COL9A1: variants seen among roughly 807,000 people sequenced by gnomAD.
The protein encoded by COL9A1 is collagen alpha-1(IX) chain.
In COL9A1, 104 loss-of-function variants were observed where a neutral mutation model predicts 142.6. The observed-to-expected ratio is 0.73, with a 90% CI of 0.62 to 0.86. The LOEUF (loss-of-function observed/expected upper bound fraction) is 0.86, where lower values mean the gene tolerates loss of function less well. Ranked by LOEUF, COL9A1 falls within the 40% of genes least tolerant of loss-of-function variation. The pLI is 0.00. For missense variants in COL9A1, 1,210 were observed against 1,176.6 expected, an observed-to-expected ratio of 1.03 and a Z score of -0.42; for synonymous variants, 466 against 396.0, an observed-to-expected ratio of 1.18 and a Z score of -2.10.
downstream of COL9A1, chr6:70,216,106 A>G (rs1438600578): frequency 2.6e-5 from 4 of 152,788 alleles, no homozygotes; most frequent in East Asian, 7.7e-4. Context: ...ATGATTATTT[A>G]TAAGAAAACA....
chr6:70,280,737 C>G (rs1296809869), intron 10 of COL9A1, 75 bp downstream of exon 10: 1 of 1,503,648 alleles, frequency 6.7e-7, no homozygotes, highest in East Asian at 2.4e-5. Flanking sequence ...CTCCCTCCCC[C>G]CCCACAAAAC....
chr6:70,276,794 T>C (rs190866118), intron 10 of COL9A1, among the ~76,000 whole-genome samples: 1 of 152,256 alleles, frequency 6.6e-6, no homozygotes, highest in African/African-American at 2.4e-5. Flanking sequence ...CTCCACAACA[T>C]CTTTATATTC....
intron 37 of COL9A1, among the ~76,000 whole-genome samples, chr6:70,220,567 A>C (rs190019541): frequency 6.9e-6 from 1 of 145,292 alleles, no homozygotes; most frequent in South Asian, 2.1e-4. Flanking sequence ...AATACCAGAG[A>C]AAAAAAAACA....
In COL9A1 at chr6:70,294,483, T is replaced by C. The variant is rs763327020; in HGVS notation, c.380A>G (p.Asn127Ser). Reference protein sequence around the residue: ...FRMTGSTLKKNWNIWQIQDSS... With the variant: ...FRMTGSTLKKSWNIWQIQDSS... ...ATCCTGAATCTGCCAAATGTTCCAGTTCTTTTTGAGAGTGCTTCCAGTCAT... is the reference window on the plus strand; with the variant it reads ...ATCCTGAATCTGCCAAATGTTCCAGCTCTTTTTGAGAGTGCTTCCAGTCAT... The change falls in exon 5 of 38, where the codon AAC becomes AGC. Residue 127 changes from asparagine (N) to serine (S), a missense_variant. Asn to Ser is a conservative substitution (Grantham distance 46, BLOSUM62 1). Transcript: ENST00000357250. 1 of 1,614,142 alleles carries C rather than the reference T, an allele frequency of 6.2e-7. No individual in the cohort carries two copies. The highest frequency in any genetic ancestry group is 1.7e-5 in the Admixed American group (1 of 60,016).
At chr6:70,276,731 G>A (rs996328950) in intron 10 of COL9A1, among the ~76,000 whole-genome samples, 3 of 152,090 alleles carry the variant, frequency 2.0e-5, no homozygotes, top group African/African-American at 7.2e-5. Context: ...TGTGATTACT[G>A]CCTACAATAA....
At chr6:70,261,118 CA>C (rs1486427174) in intron 19 of COL9A1, 1 of 182,410 alleles carries the variant, frequency 5.5e-6, no homozygotes, top group Non-Finnish European at 1.1e-5. Flanking sequence ...TTTTTCTCAC[CA>C]ATGGACACCA....
At chr6:70,269,500 T>C in intron 16 of COL9A1, 133 bp downstream of exon 16, 2 of 689,956 alleles carry the variant, frequency 2.9e-6, no homozygotes, top group South Asian at 1.7e-5. Flanking sequence ...CGTTACAGAC[T>C]GCTCTGCCAT....
At chr6:70,274,830 A>G (rs1772650495) in intron 10 of COL9A1, 58 bp from the exon 11 acceptor site, 1 of 1,374,212 alleles carries the variant, frequency 7.3e-7, no homozygotes, top group Non-Finnish European at 1.0e-6. Context: ...CAAACCACTA[A>G]GTAGAAAACT....
chr6:70,281,770 T>A (rs541841053), intron 7 of COL9A1, among the ~76,000 whole-genome samples: 1 of 151,954 alleles, frequency 6.6e-6, no homozygotes, highest in South Asian at 2.1e-4. Context: ...AAAGGAAGGG[T>A]CTAACGCCTT....
intron 8 of COL9A1, 104 bp downstream of exon 8, chr6:70,281,286 C>T (rs1031872716): frequency 5.3e-6 from 6 of 1,122,044 alleles, no homozygotes; most frequent in African/African-American, 1.7e-5. Flanking sequence ...GAAGGGGAGA[C>T]CCTGGTCCTC....
At chr6:70,241,916 A>T in intron 30 of COL9A1, 48 bp downstream of exon 30, 4 of 1,493,006 alleles carry the variant, frequency 2.7e-6, no homozygotes, top group Non-Finnish European at 3.7e-6. Flanking sequence ...AACATGGTAG[A>T]AATCACCCTT....
chr6:70,256,094 C>T (rs1411340172), intron 21 of COL9A1, among the ~76,000 whole-genome samples: 1 of 152,172 alleles, frequency 6.6e-6, no homozygotes, highest in Non-Finnish European at 1.5e-5. Context: ...CCAACAGTGC[C>T]ACCCCTGTAC....
chr6:70,244,535 A>G (rs1019072546), intron 28 of COL9A1, among the ~76,000 whole-genome samples: 2 of 152,232 alleles, frequency 1.3e-5, no homozygotes, highest in African/African-American at 4.8e-5. Flanking sequence ...CGTGACTTTA[A>G]TTCACAGAAC....
Position 70,232,572 on chromosome 6 carries a change from A to G in COL9A1, c.2503+11T>C, listed in dbSNP as rs1386945032. 5 of 1,613,466 alleles carry G rather than the reference A, an allele frequency of 3.1e-6. No homozygotes were observed. Among genetic ancestry groups the G allele is most frequent in the Non-Finnish European group, 4.2e-6 (5 of 1,179,976 alleles). On this transcript the variant is annotated intron_variant, in intron 36 of 37. Transcript: ENST00000357250. ...TGTGTTCTTTGGTTCCACATGGGCA[A>G]GATGACTTACCTTTAGGTCCCCTCA...
intron 19 of COL9A1, among the ~76,000 whole-genome samples, chr6:70,261,279 A>C (rs1771669788): frequency 6.6e-6 from 1 of 152,168 alleles, no homozygotes; most frequent in Admixed American, 6.5e-5. Flanking sequence ...ATAGGAACCC[A>C]TCTTAGTCAT....
chr6:70,240,695 C>T lies in COL9A1; in HGVS notation c.2073G>A (p.Gly691=), dbSNP rs577242300. 69 of 1,612,042 alleles carry T rather than the reference C, an allele frequency of 4.3e-5. 1 individual carries two copies. In the South Asian group the frequency reaches 7.0e-4, roughly 16 times the overall value. ...SGEEGEAGER[G]ELGDIGLPGP... is the part of the protein sequence containing the mutation. ...CAGAAAAAAAAAATCTTACAAGTTC[C>T]CCCCTTTCTCCTGCTTCACCTTCTT... Residue 691 remains glycine (G), a synonymous_variant, in exon 32 of 38, where the codon GGG becomes GGA. Coordinates refer to ENST00000357250, the MANE Select transcript of COL9A1 (RefSeq NM_001851.6).
At chr6:70,256,634 A>C in intron 21 of COL9A1, 134 bp downstream of exon 21, 2 of 621,106 alleles carry the variant, frequency 3.2e-6, no homozygotes, top group Non-Finnish European at 5.4e-6. Flanking sequence ...TTAAATTTAA[A>C]TTTAAACATA....
rs1364740129 is a variant in COL9A1 at position 70,234,956 on chromosome 6, A to G, written c.2113-16T>C. On this transcript the variant is annotated splice_polypyrimidine_tract_variant and intron_variant, in intron 33 of 37. Coordinates refer to ENST00000357250, the MANE Select transcript of COL9A1 (RefSeq NM_001851.6). Reference sequence around the variant, plus strand: ...GATTACCTGCCTGGAACACAATTGCACACTATCAAACCAGGGCTAAGCATA... The same window carrying G: ...GATTACCTGCCTGGAACACAATTGCGCACTATCAAACCAGGGCTAAGCATA... 6.2e-7 allele frequency: 1 copy of G among 1,613,980 alleles called. No homozygotes were observed. Among genetic ancestry groups the G allele is most frequent in the Non-Finnish European group, 8.5e-7 (1 of 1,180,020 alleles).
intron 19 of COL9A1, 37 bp downstream of exon 19, chr6:70,263,207 C>T: frequency 2.8e-6 from 4 of 1,432,898 alleles, no homozygotes; most frequent in Non-Finnish European, 3.8e-6. Flanking sequence ...AGAATATTTA[C>T]ATATCCTAGT....
Sources: allele counts gnomAD v4.1 joint callset (sites outside exome capture counted in the v4.1 genomes callset), GRCh38; gene constraint gnomAD v4.1.1; transcripts MANE v1.5; gene names NCBI Gene and HGNC (gene_info 2026-07-23, HGNC 2026-07-21).